The following GLRA2 variants were observed in gnomAD, a reference collection of about 807,000 sequenced individuals.
GLRA2 encodes the protein glycine receptor alpha 2.
A neutral mutation model predicts 31.6 loss-of-function variants in GLRA2; 11 were observed. The ratio of observed to expected loss-of-function variants is 0.35; its 90% confidence interval spans 0.22 to 0.58. The LOEUF (loss-of-function observed/expected upper bound fraction) is 0.58. Among genes scored for constraint, GLRA2 ranks in the 20% least tolerant of loss-of-function variants. GLRA2 has a pLI of 0.84. For synonymous variants in GLRA2, 132 were observed against 134.0 expected, an observed-to-expected ratio of 0.99 and a Z score of 0.10; for missense variants, 212 against 351.8, an observed-to-expected ratio of 0.60 and a Z score of 3.18.
At chrX:14,711,631 T>C (rs1303833888) in intron 8 of GLRA2, among the ~76,000 whole-genome samples, 2 of 112,489 alleles carry the variant, frequency 1.8e-5, no homozygotes, top group African/African-American at 3.2e-5. Flanking sequence ...ATACACTATA[T>C]ACCAGGCATG....
the GLRA2 span, among the ~76,000 whole-genome samples, chrX:14,477,183 T>C: frequency 2.7e-5 from 3 of 111,761 alleles, no homozygotes; most frequent in Admixed American, 2.9e-4. Context: ...GGCCAGAAGA[T>C]TCCTAGGGCC....
chrX:14,530,234 G>T lies in GLRA2; in HGVS notation c.68+109G>T, dbSNP rs759806430. ...GACTATATTATTTTAATTTTATAGA[G>T]GAAAGTTAGATATCTTTTGTTCATT... On this transcript the variant is annotated intron_variant, in intron 1 of 8. Coordinates refer to ENST00000218075, the MANE Select transcript of GLRA2 (RefSeq NM_002063.4). 5.2e-5 allele frequency: 27 copies of T among 520,418 alleles called. No homozygotes were observed. The Admixed American group carries it at 9.1e-4, about 18-fold the overall frequency. 42.9% of individuals were successfully genotyped at this position (520,418 alleles called of 1,213,427 possible). A position where few individuals can be genotyped will look rare whatever the true frequency, so the allele number is the denominator to read the frequency against.
At position 14,666,796 on chromosome X, in the gene GLRA2, G is replaced by A. The variant is rs182242304; in HGVS notation, c.931-23914G>A. On this transcript the variant is annotated intron_variant, in intron 7 of 8. Coordinates refer to ENST00000218075, the MANE Select transcript of GLRA2 (RefSeq NM_002063.4). ...TCCTCATTTTTCAGCTGAGAAAACTGAAGCACAGAGTCATTAAGTATTGTG... is the reference window on the plus strand; with the variant it reads ...TCCTCATTTTTCAGCTGAGAAAACTAAAGCACAGAGTCATTAAGTATTGTG... Among the ~76,000 whole-genome samples, 9 of 111,799 alleles carry A rather than the reference G, an allele frequency of 8.1e-5. No homozygotes were observed. The East Asian group carries it at 2.5e-3, about 31-fold the overall frequency.
At chrX:14,604,430 T>G (rs368634967) in intron 5 of GLRA2, 33 bp downstream of exon 5, 1 of 857,463 alleles carries the variant, frequency 1.2e-6, no homozygotes, top group African/African-American at 2.0e-5. Flanking sequence ...ACTCCCTGCT[T>G]GTTTTAACCA....
At chrX:14,554,443 C>A (rs1337612058) in intron 2 of GLRA2, among the ~76,000 whole-genome samples, 1 of 111,341 alleles carries the variant, frequency 9.0e-6, no homozygotes, top group Non-Finnish European at 1.9e-5. Context: ...AGACATGGTG[C>A]TTTAAGATCT....
At chrX:14,463,828 G>C in the GLRA2 span, among the ~76,000 whole-genome samples, 1 of 111,716 alleles carries the variant, frequency 9.0e-6, no homozygotes, top group Admixed American at 9.5e-5. Flanking sequence ...TGTGCTTCCC[G>C]GTGAGGCAAT....
At chrX:14,705,362 T>C (rs1601864579) in intron 8 of GLRA2, among the ~76,000 whole-genome samples, 1 of 112,039 alleles carries the variant, frequency 8.9e-6, no homozygotes. Flanking sequence ...GAGGCGTTTT[T>C]AGTTCTCACA....
intron 6 of GLRA2, among the ~76,000 whole-genome samples, chrX:14,608,127 TG>T (rs1380927556): frequency 1.8e-5 from 2 of 111,311 alleles, no homozygotes; most frequent in African/African-American, 6.5e-5. Context: ...ATTCCAAGGA[TG>T]TTTTTTTTCT....
chrX:14,464,545 T>C, the GLRA2 span, among the ~76,000 whole-genome samples: 1 of 111,990 alleles, frequency 8.9e-6, no homozygotes, highest in Non-Finnish European at 1.9e-5. Context: ...TCTATGTATC[T>C]ATTTTTTATT....
intron 7 of GLRA2, among the ~76,000 whole-genome samples, chrX:14,660,655 T>A (rs1302553310): frequency 8.9e-6 from 1 of 111,831 alleles, no homozygotes; most frequent in Non-Finnish European, 1.9e-5. Flanking sequence ...GACCGGTGGC[T>A]AGCAGTGGAG....
At chrX:14,625,554 ATC>A (rs1289191053) in intron 7 of GLRA2, among the ~76,000 whole-genome samples, 4 of 110,921 alleles carry the variant, frequency 3.6e-5, no homozygotes, top group Non-Finnish European at 7.6e-5. Context: ...TGGTGACAAA[ATC>A]TCTCAGCATT....
chrX:14,589,710 A>ACACATATATATATGTATT (rs2090123319), intron 4 of GLRA2, among the ~76,000 whole-genome samples: 1 of 106,720 alleles, frequency 9.4e-6, no homozygotes, highest in Non-Finnish European at 1.9e-5. Flanking sequence ...GTATATATAT[A>ACACATATATATATGTATT]CACACATATA....
chrX:14,598,880 A>G (rs953867219), intron 4 of GLRA2, among the ~76,000 whole-genome samples: 2 of 112,394 alleles, frequency 1.8e-5, no homozygotes, highest in African/African-American at 6.5e-5. Context: ...TATAAAAATT[A>G]CAATATTTGA....
At chrX:14,532,755 T>C (rs192669040) in intron 2 of GLRA2, among the ~76,000 whole-genome samples, 1 of 112,072 alleles carries the variant, frequency 8.9e-6, no homozygotes, top group East Asian at 2.8e-4. Context: ...GTTTTGATTT[T>C]AAATACCTAC....
At chrX:14,486,014 T>C in the GLRA2 span, among the ~76,000 whole-genome samples, 4 of 112,019 alleles carry the variant, frequency 3.6e-5, no homozygotes, top group East Asian at 1.1e-3. Context: ...GTCTGGCTCC[T>C]TTATTCCAAC....
At chrX:14,724,171 T>C (rs182493714) in intron 8 of GLRA2, among the ~76,000 whole-genome samples, 288 of 112,155 alleles carry the variant, frequency 2.6e-3, no homozygotes, top group African/African-American at 8.7e-3. Context: ...TGTGTATATG[T>C]ATAAATATGT....
intron 4 of GLRA2, among the ~76,000 whole-genome samples, chrX:14,588,194 A>G (rs1484641427): frequency 8.9e-6 from 1 of 111,922 alleles, no homozygotes; most frequent in Non-Finnish European, 1.9e-5. Flanking sequence ...ATGAGCCACT[A>G]TGCTCAGCCC....
the GLRA2 span, among the ~76,000 whole-genome samples, chrX:14,449,007 G>A: frequency 9.0e-6 from 1 of 111,690 alleles, no homozygotes; most frequent in Admixed American, 9.5e-5. Context: ...CACCCCACCC[G>A]CTGAGCGTTC....
intron 7 of GLRA2, among the ~76,000 whole-genome samples, chrX:14,634,917 C>T (rs1267741723): frequency 3.6e-5 from 4 of 112,170 alleles, no homozygotes; most frequent in South Asian, 7.3e-4. Flanking sequence ...TCTCCACAAT[C>T]TGTTTCGAGG....
Sources: allele counts gnomAD v4.1 joint callset (sites outside exome capture counted in the v4.1 genomes callset), GRCh38; gene constraint gnomAD v4.1.1; transcripts MANE v1.5; gene names NCBI Gene and HGNC (gene_info 2026-07-23, HGNC 2026-07-21).